FER: variants seen among roughly 807,000 people sequenced by gnomAD.
FER encodes the protein tyrosine-protein kinase Fer.
In FER, 63 loss-of-function variants were observed where a neutral mutation model predicts 111.0. The ratio of observed to expected loss-of-function variants is 0.57; its 90% CI spans 0.46 to 0.70. FER has a LOEUF of 0.70. Among genes scored for constraint, FER ranks in the 30% least tolerant of loss-of-function variants. The probability of loss-of-function intolerance (pLI) is 0.00; values close to 1 mark genes in which losing one functional copy is unlikely to be tolerated. For synonymous variants in FER, 327 were observed against 313.9 expected, an observed-to-expected ratio of 1.04 and a Z score of -0.44; for missense variants, 914 against 954.0, an observed-to-expected ratio of 0.96 and a Z score of 0.55.
At chr5:109,083,214 T>G (rs1158956876) in intron 16 of FER, among the ~76,000 whole-genome samples, 2 of 152,072 alleles carry the variant, frequency 1.3e-5, no homozygotes, top group African/African-American at 4.8e-5. Flanking sequence ...GCGGCTTTGA[T>G]ATCTATCCAA....
chr5:109,164,932 C>T (rs1320391816), intron 17 of FER, among the ~76,000 whole-genome samples: 3 of 152,164 alleles, frequency 2.0e-5, no homozygotes, highest in Admixed American at 6.5e-5. Context: ...AATTGTCTCA[C>T]TTCTTTGCTC....
At chr5:108,805,793 A>AG (rs1366352001) in intron 3 of FER, among the ~76,000 whole-genome samples, 1 of 152,238 alleles carries the variant, frequency 6.6e-6, no homozygotes, top group African/African-American at 2.4e-5. Context: ...AAAGCACTCA[A>AG]GAGGTGACTT....
intron 5 of FER, chr5:108,843,127 C>G (rs1367144088): frequency 6.6e-6 from 1 of 152,248 alleles, no homozygotes; most frequent in Non-Finnish European, 1.5e-5. Context: ...CCTTTGCATC[C>G]TCAGAGCTTA....
At chr5:108,860,004 C>T (rs955891430) in intron 5 of FER, among the ~76,000 whole-genome samples, 7 of 150,778 alleles carry the variant, frequency 4.6e-5, no homozygotes, top group South Asian at 2.1e-4. Flanking sequence ...TGCAGTTGTG[C>T]GATCTCGGCT....
At position 108,813,989 on chromosome 5, in the gene FER, C is replaced by T. The variant is rs116308728; in HGVS notation, c.207+15600C>T. Reference sequence around the variant, plus strand: ...ATTTCCATGTTAAAAATGAACAAGTCGTAAATATCTCTAGTAGATTTGAAT... The same window carrying T: ...ATTTCCATGTTAAAAATGAACAAGTTGTAAATATCTCTAGTAGATTTGAAT... On this transcript the variant is annotated intron_variant, in intron 3 of 19. Transcript: ENST00000281092. 6.5e-3 allele frequency among the ~76,000 whole-genome samples: 984 copies of T among 152,162 alleles called. 9 individuals are homozygous for T. The highest frequency in any genetic ancestry group is 0.027 in the Middle Eastern group (8 of 294).
rs149896807 is a variant in FER, at chr5:109,180,917, A to AT, written c.2203+26dup. On this transcript the variant is annotated intron_variant, in intron 18 of 19. Coordinates refer to ENST00000281092, the MANE Select transcript of FER (RefSeq NM_005246.4). ...CTTAATTATGGTAAGAATAGACCAC[A>AT]TTTTTTTTTTAATGGTAAAAATGAA... is the stretch of plus-strand genomic sequence containing the variant. 0.012 allele frequency: 13,776 copies of AT among 1,139,974 alleles called. 8 individuals are homozygous for AT. Among genetic ancestry groups the AT allele is most frequent in the South Asian group, 0.02 (1,185 of 60,712 alleles). The allele number at this position is 1,139,974 out of a possible 1,614,324, so 70.6% of individuals were successfully genotyped here.
At chr5:108,965,400 T>C (rs557978608) in intron 13 of FER, among the ~76,000 whole-genome samples, 1 of 152,206 alleles carries the variant, frequency 6.6e-6, no homozygotes, top group East Asian at 1.9e-4. Context: ...TAGTTTTTGT[T>C]TGAAAGCATT....
At chr5:109,146,254 AT>A (rs1754149674) in intron 17 of FER, among the ~76,000 whole-genome samples, 2 of 10,504 alleles carry the variant, frequency 1.9e-4, no homozygotes, top group Non-Finnish European at 3.5e-4. Flanking sequence ...AATCTATCTA[AT>A]ATATATATAT....
chr5:108,996,290 AT>A (rs746214713), intron 13 of FER, among the ~76,000 whole-genome samples: 3 of 151,820 alleles, frequency 2.0e-5, no homozygotes, highest in Non-Finnish European at 4.4e-5. Context: ...TCAACTTTGG[AT>A]TTTGTTGCCA....
chr5:108,795,491 T>A (rs990520526), intron 2 of FER, among the ~76,000 whole-genome samples: 1 of 151,772 alleles, frequency 6.6e-6, no homozygotes, highest in Non-Finnish European at 1.5e-5. Context: ...AAAGAAAAAA[T>A]TTCCCCTTTT....
chr5:109,091,260 G>A (rs1313952882), intron 16 of FER, among the ~76,000 whole-genome samples: 1 of 152,194 alleles, frequency 6.6e-6, no homozygotes, highest in Non-Finnish European at 1.5e-5. Flanking sequence ...TTGGACCTTG[G>A]AGGGTGTTTT....
At chr5:108,774,565 A>G (rs1353966248) in intron 2 of FER, among the ~76,000 whole-genome samples, 2 of 151,866 alleles carry the variant, frequency 1.3e-5, no homozygotes, top group Non-Finnish European at 2.9e-5. Context: ...TCCAGCATCT[A>G]TTTTTTCTTG....
chr5:109,178,668 A>G (rs1028843266), intron 17 of FER, among the ~76,000 whole-genome samples: 1 of 152,228 alleles, frequency 6.6e-6, no homozygotes, highest in Non-Finnish European at 1.5e-5. Context: ...CAATTGAGCT[A>G]CAAACATTTC....
At chr5:108,844,829 G>A (rs10040085) in intron 5 of FER, among the ~76,000 whole-genome samples, 34,404 of 150,466 alleles carry the variant, frequency 0.23, 4,099 homozygotes, top group African/African-American at 0.28. Context: ...GTTGTTGCAT[G>A]TATGAGTAAT....
At chr5:109,123,955 C>A (rs371782175) in intron 17 of FER, among the ~76,000 whole-genome samples, 1 of 152,128 alleles carries the variant, frequency 6.6e-6, no homozygotes, top group South Asian at 2.1e-4. Flanking sequence ...AAGAGCATGG[C>A]GCAGTGGCTC....
At chr5:109,079,858 T>C (rs1426068211) in intron 16 of FER, among the ~76,000 whole-genome samples, 1 of 152,134 alleles carries the variant, frequency 6.6e-6, no homozygotes, top group Non-Finnish European at 1.5e-5. Flanking sequence ...AGTTCTCTCC[T>C]AATCCTGACC....
At chr5:108,945,391 C>T (rs1048125041) in intron 10 of FER, among the ~76,000 whole-genome samples, 4 of 152,062 alleles carry the variant, frequency 2.6e-5, no homozygotes, top group East Asian at 3.9e-4. Context: ...CTCTTACCTA[C>T]CCCATTCACT....
chr5:109,021,996 A>C (rs1189535828), intron 13 of FER, among the ~76,000 whole-genome samples: 1 of 152,104 alleles, frequency 6.6e-6, no homozygotes, highest in Non-Finnish European at 1.5e-5. Context: ...CATGCTAAAA[A>C]GGAAACAAGC....
intron 10 of FER, among the ~76,000 whole-genome samples, chr5:108,917,547 T>A (rs1438956607): frequency 6.6e-6 from 1 of 152,200 alleles, no homozygotes; most frequent in Non-Finnish European, 1.5e-5. Context: ...TTGGGGGATG[T>A]TGCCTCTTTC....
Sources: gnomAD v4.1 joint callset for allele counts (sites outside exome capture counted in the v4.1 genomes callset) on GRCh38, gnomAD v4.1.1 for gene constraint, MANE v1.5 for transcripts, NCBI Gene and HGNC (gene_info 2026-07-23, HGNC 2026-07-21) for gene names.